RYR3: variants seen among roughly 807,000 people sequenced by gnomAD.
RYR3 encodes brain ryanodine receptor-calcium release channel.
Under a neutral mutation model 584.3 loss-of-function variants are expected in RYR3, and 207 were observed. The observed-to-expected ratio is 0.35, with a 90% CI of 0.32 to 0.40. The LOEUF is 0.40. Among genes scored for constraint, RYR3 ranks in the 10% least tolerant of loss-of-function variants. The pLI is 1.00. For synonymous variants in RYR3, 2,416 were observed against 2,248.5 expected (o/e 1.07, Z -2.11); for missense variants, 5,616 against 6,089.2 (o/e 0.92, Z 2.59).
intron 3 of RYR3, among the ~76,000 whole-genome samples, chr15:33,507,173 T>C (rs1302574091): frequency 6.6e-6 from 1 of 152,264 alleles, no homozygotes; most frequent in Non-Finnish European, 1.5e-5. Context: ...TTCAGCTGTT[T>C]ACTCACGTGT....
chr15:33,607,788 A>G (rs558574487), intron 18 of RYR3, among the ~76,000 whole-genome samples: 1 of 152,248 alleles, frequency 6.6e-6, no homozygotes, highest in African/African-American at 2.4e-5. Context: ...TGTTAGCCTA[A>G]TAATTAAGGT....
At chr15:33,652,919 C>G (rs1011258155) in intron 32 of RYR3, 36 bp downstream of exon 32, 1 of 1,574,964 alleles carries the variant, frequency 6.3e-7, no homozygotes, top group Non-Finnish European at 8.6e-7. Context: ...CAGGGCTATC[C>G]CAGGCCTGGT....
In RYR3 at chr15:33,739,847, C is replaced by G; in HGVS notation, c.7672C>G (p.Leu2558Val). The part of the protein sequence containing the change: ...SLSHKKYDPD[L>V]FRMALPCLSA... ...TCCCTCACAGAAATATGACCCAGAT[C>G]TTTTCCGAATGGCCCTGCCTTGTCT... The change falls in exon 51 of 104, where the codon CTT becomes GTT. Residue 2558 changes from leucine to valine, a missense_variant. Leu to Val is a conservative substitution (Grantham distance 32). This residue lies in a region of RYR3 where 1,280 missense variants were observed against 1,426.2 expected (regional missense o/e 0.90). Coordinates refer to ENST00000634891, the MANE Select transcript of RYR3 (RefSeq NM_001036.6). 1 of 1,613,494 alleles carries G rather than the reference C, an allele frequency of 6.2e-7. No individual in the cohort carries two copies. The highest frequency in any genetic ancestry group is 8.5e-7 in the Non-Finnish European group (1 of 1,179,682).
At chr15:33,669,302 C>G in intron 36 of RYR3, 52 bp from the exon 37 acceptor site, 12 of 1,442,878 alleles carry the variant, frequency 8.3e-6, no homozygotes, top group Non-Finnish European at 9.8e-6. Context: ...GATCTGAGTT[C>G]CCTTGGCCAA....
intron 67 of RYR3, among the ~76,000 whole-genome samples, chr15:33,795,350 CAAG>C (rs1430643655): frequency 6.7e-6 from 1 of 148,312 alleles, no homozygotes; most frequent in East Asian, 2.0e-4. Flanking sequence ...AGATAAAAAT[CAAG>C]AAGTATTAAA....
At chr15:33,423,760 T>G (rs894722312) in intron 1 of RYR3, among the ~76,000 whole-genome samples, 3 of 152,212 alleles carry the variant, frequency 2.0e-5, no homozygotes, top group African/African-American at 7.2e-5. Flanking sequence ...TATTTTGTAG[T>G]GAGTAATAAG....
rs553518450 is a variant in RYR3 at position 33,495,099 on chromosome 15, G to A, written c.172-8532G>A. ...CACCTGCCTAAGTTTATAAAATATA[G>A]ATTTTATGAGCTCTTGAGCCCTGAT... On this transcript the variant is annotated intron_variant, in intron 2 of 103. Transcript: ENST00000634891. Among the ~76,000 whole-genome samples the A allele has an allele frequency of 3.9e-5, 6 of 152,240 alleles. No individual in the cohort carries two copies. In the South Asian group the frequency reaches 1.0e-3, roughly 26 times the overall value.
rs2066768594 is a variant in RYR3 at position 33,707,039 on chromosome 15, G to A, written c.6604G>A (p.Ala2202Thr). 6.2e-7 allele frequency: 1 copy of A among 1,613,900 alleles called. No homozygotes were observed. The highest frequency in any genetic ancestry group is 8.5e-7 in the Non-Finnish European group (1 of 1,179,836). ...ACGCTACCTGTCCTTCCTGAGGTTT[G>A]CTGTCTTCGTGAACAGTGAGTCCCA... is the stretch of plus-strand genomic sequence containing the variant. ...GERYLSFLRF[A>T]VFVNSESVEE... is the part of the protein sequence containing the mutation. Residue 2202 changes from alanine (A) to threonine (T), a missense_variant, in exon 43 of 104, where the codon GCT becomes ACT. By Grantham distance (58) the Ala-to-Thr change is moderately conservative. Coordinates refer to ENST00000634891, the MANE Select transcript of RYR3 (RefSeq NM_001036.6).
At chr15:33,366,603 A>G (rs1429150821) in intron 1 of RYR3, among the ~76,000 whole-genome samples, 2 of 152,232 alleles carry the variant, frequency 1.3e-5, no homozygotes, top group Admixed American at 6.5e-5. Context: ...TGCTGTGCCT[A>G]TTGAAGAACT....
At chr15:33,460,962 T>TTTTTTTTTTTTTA (rs1567286930) in intron 1 of RYR3, among the ~76,000 whole-genome samples, 1 of 141,242 alleles carries the variant, frequency 7.1e-6, no homozygotes, top group East Asian at 2.1e-4. Context: ...TTTTTTTTTT[T>TTTTTTTTTTTTTA]AAGACGGAGT....
At chr15:33,653,674 A>AT (rs989055642) in intron 32 of RYR3, among the ~76,000 whole-genome samples, 2 of 152,078 alleles carry the variant, frequency 1.3e-5, no homozygotes, top group African/African-American at 4.8e-5. Flanking sequence ...CATCTCAAAA[A>AT]AAAAAAAAAT....
intron 27 of RYR3, among the ~76,000 whole-genome samples, chr15:33,641,184 A>G (rs898412275): frequency 6.6e-6 from 1 of 152,224 alleles, no homozygotes; most frequent in African/African-American, 2.4e-5. Context: ...AGCTTAGACG[A>G]CAATTAGAAA....
intron 1 of RYR3, among the ~76,000 whole-genome samples, chr15:33,333,167 T>C (rs1243875724): frequency 6.6e-6 from 1 of 151,508 alleles, no homozygotes; most frequent in Non-Finnish European, 1.5e-5. Context: ...ACTGAAACTA[T>C]TCTGAAAAAT....
rs142432573 is a variant in RYR3 at position 33,453,849 on chromosome 15, T to C, written c.52-19570T>C. Among the ~76,000 whole-genome samples, 510 of 152,358 alleles carry C rather than the reference T, an allele frequency of 3.3e-3. 2 individuals are homozygous for C. Among genetic ancestry groups the C allele is most frequent in the Non-Finnish European group, 5.8e-3 (394 of 68,032 alleles). On this transcript the variant is annotated intron_variant, in intron 1 of 103. Coordinates refer to ENST00000634891, the MANE Select transcript of RYR3 (RefSeq NM_001036.6). Reference sequence around the variant, plus strand: ...AGGAACCCAGACTGCACACAAATGATTAACCCTTTGACTCTGTTGGAGAGG... The same window carrying C: ...AGGAACCCAGACTGCACACAAATGACTAACCCTTTGACTCTGTTGGAGAGG...
intron 67 of RYR3, among the ~76,000 whole-genome samples, chr15:33,793,083 G>C (rs1402198993): frequency 6.6e-6 from 1 of 152,112 alleles, no homozygotes; most frequent in East Asian, 1.9e-4. Flanking sequence ...ACTCAGATTT[G>C]ATAATTCACT....
At chr15:33,649,842 A>T (rs563965084) in intron 31 of RYR3, among the ~76,000 whole-genome samples, 2 of 152,332 alleles carry the variant, frequency 1.3e-5, no homozygotes, top group African/African-American at 4.8e-5. Context: ...TCCAGAGGTG[A>T]CTGAAGAGAC....
chr15:33,451,713 G>T (rs543822410), intron 1 of RYR3, among the ~76,000 whole-genome samples: 1 of 152,190 alleles, frequency 6.6e-6, no homozygotes, highest in African/African-American at 2.4e-5. Context: ...CCCATGCAAA[G>T]TGAGAGACTA....
chr15:33,850,873 A>T (rs1307470642), intron 94 of RYR3: 1 of 152,128 alleles, frequency 6.6e-6, no homozygotes, highest in Non-Finnish European at 1.5e-5. Flanking sequence ...TAATTCTTAA[A>T]TAATTAGCAA....
chr15:33,613,055 A>G (rs1057054670), intron 18 of RYR3, 128 bp from the exon 19 acceptor site: 2 of 640,516 alleles, frequency 3.1e-6, no homozygotes, highest in African/African-American at 1.8e-5. Context: ...TTTCAAATGC[A>G]GTAGTACCTC....
Sources: allele counts gnomAD v4.1 joint callset (sites outside exome capture counted in the v4.1 genomes callset), GRCh38; gene constraint gnomAD v4.1.1; regional missense constraint gnomAD v4.1.1; transcripts MANE v1.5; gene names NCBI Gene and HGNC (gene_info 2026-07-23, HGNC 2026-07-21).